Variants in PLA2G7 observed in about 807,000 individuals in gnomAD.
The protein encoded by PLA2G7 is platelet-activating factor acetylhydrolase.
Under a neutral mutation model 49.6 loss-of-function variants are expected in PLA2G7, and 63 were observed. The ratio of observed to expected loss-of-function variants is 1.27; its 90% CI spans 1.04 to 1.57. PLA2G7 has a LOEUF of 1.57. Ranked by LOEUF, PLA2G7 falls within the 40% of genes most tolerant of loss-of-function variation. The probability of loss-of-function intolerance (pLI) is 0.00; values close to 1 mark genes in which losing one functional copy is unlikely to be tolerated. For missense variants in PLA2G7, 596 were observed against 521.2 expected (o/e 1.14, Z -1.40); for synonymous variants, 193 against 169.9 (o/e 1.14, Z -1.06).
Position 46,716,368 on chromosome 6 carries a change from T to C in PLA2G7, c.376+16A>G, listed in dbSNP as rs765947390. The stretch of plus-strand genomic sequence containing the variant: ...ACATGCAAGAGCCTACAAAGAAGGA[T>C]CAACAGAAATCTTACCAAAGAGTAA... On this transcript the variant is annotated intron_variant, in intron 4 of 11. Transcript: ENST00000274793. 121 of 1,613,846 alleles carry C rather than the reference T, an allele frequency of 7.5e-5. 1 individual carries two copies. In the Admixed American group the frequency reaches 2.0e-3, roughly 26 times the overall value.
chr6:46,712,378 T>C (rs376405310), intron 5 of PLA2G7, 41 bp from the exon 6 acceptor site: 2 of 1,443,472 alleles, frequency 1.4e-6, no homozygotes, highest in African/African-American at 2.8e-5. Flanking sequence ...CTACCAGTCA[T>C]GATTACAAGG....
intron 2 of PLA2G7, among the ~76,000 whole-genome samples, chr6:46,719,393 C>G (rs1338221905): frequency 6.6e-6 from 1 of 152,216 alleles, no homozygotes; most frequent in Non-Finnish European, 1.5e-5. Context: ...CTGGCACCAG[C>G]TGGAGCTTGG....
At chr6:46,711,918 AG>A (rs1395635654) in intron 6 of PLA2G7, among the ~76,000 whole-genome samples, 1 of 152,166 alleles carries the variant, frequency 6.6e-6, no homozygotes, top group Non-Finnish European at 1.5e-5. Flanking sequence ...GCCACTTACT[AG>A]TTGTGTGACT....
rs771422384 is a variant in PLA2G7 at position 46,710,637 on chromosome 6, A to G, written c.685T>C (p.Cys229Arg). The change falls in exon 8 of 12, where the codon TGT becomes CGT. Residue 229 changes from cysteine to arginine, a missense_variant. Cys to Arg is a radical substitution (Grantham distance 180). Coordinates refer to ENST00000274793, the MANE Select transcript of PLA2G7 (RefSeq NM_005084.4). The stretch of plus-strand genomic sequence containing the variant: ...AGAATCAGACTGAGAGCTTGGGAAC[A>G]TTCTTTTGCTCTTTGCCGTACCTAA... Reference protein sequence around the residue: ...NEQVRQRAKECSQALSLILDI... With the variant: ...NEQVRQRAKERSQALSLILDI... 6.2e-7 allele frequency: 1 copy of G among 1,612,634 alleles called. No individual in the cohort carries two copies. Among genetic ancestry groups the G allele is most frequent in the Non-Finnish European group, 8.5e-7 (1 of 1,178,654 alleles).
At chr6:46,735,090 C>G (rs1407296740) in intron 1 of PLA2G7, 90 bp downstream of exon 1, 1 of 152,080 alleles carries the variant, frequency 6.6e-6, no homozygotes, top group African/African-American at 2.4e-5. Context: ...GAGCCCACCC[C>G]GGCCGGTCGC....
At chr6:46,715,084 C>T (rs925516714) in intron 4 of PLA2G7, among the ~76,000 whole-genome samples, 41 of 152,240 alleles carry the variant, frequency 2.7e-4, no homozygotes, top group African/African-American at 9.9e-4. Context: ...TTCTTACTGA[C>T]AGCTCTGGAC....
chr6:46,704,843 G>A (rs1764753344), intron 11 of PLA2G7, 147 bp from the exon 12 acceptor site: 1 of 643,776 alleles, frequency 1.6e-6, no homozygotes, highest in East Asian at 2.7e-5. Context: ...CTGCCTCATG[G>A]CTGCTTTAGC....
chr6:46,711,899 C>A (rs1404022016), intron 6 of PLA2G7, among the ~76,000 whole-genome samples: 4 of 152,130 alleles, frequency 2.6e-5, no homozygotes, highest in African/African-American at 9.7e-5. Flanking sequence ...GGAATCAAAT[C>A]CCGGCACTGC....
In PLA2G7 at chr6:46,716,516, G is replaced by C. The variant is rs143106370; in HGVS notation, c.244C>G (p.Arg82Gly). Residue 82 changes from arginine (R) to glycine (G), a missense_variant, in exon 4 of 12, where the codon CGT becomes GGT. Transcript: ENST00000274793. ...TTATCTTGGGATGGATAATATAAAC[G>C]CAAGAAGGTGCCCTGTTAAGAAAGA... ...FDHTNKGTFL[R>G]LYYPSQDNDR... 2.5e-6 allele frequency: 4 copies of C among 1,613,552 alleles called. No homozygotes were observed. The highest frequency in any genetic ancestry group is 1.7e-5 in the Admixed American group (1 of 60,008).
At chr6:46,712,419 A>C in intron 5 of PLA2G7, 82 bp from the exon 6 acceptor site, 3 of 1,003,722 alleles carry the variant, frequency 3.0e-6, no homozygotes, top group Non-Finnish European at 4.7e-6. Context: ...GGGAACATGG[A>C]GGCCATTACA....
chr6:46,716,523 G>C lies in PLA2G7; in HGVS notation c.237C>G (p.Thr79=), dbSNP rs761517434. ...DLMFDHTNKG[T]FLRLYYPSQD... is the part of the protein sequence containing the mutation. ...GGGATGGATAATATAAACGCAAGAA[G>C]GTGCCCTGTTAAGAAAGAAATTAAT... Residue 79 remains threonine, a synonymous_variant, in exon 4 of 12, where the codon ACC becomes ACG. Transcript: ENST00000274793. 1.2e-6 allele frequency: 2 copies of C among 1,613,570 alleles called. No individual in the cohort carries two copies. Among genetic ancestry groups the C allele is most frequent in the Admixed American group, 3.3e-5 (2 of 60,000 alleles).
intron 1 of PLA2G7, among the ~76,000 whole-genome samples, chr6:46,730,997 A>G (rs765505252): frequency 1.3e-5 from 2 of 152,350 alleles, no homozygotes; most frequent in South Asian, 2.1e-4. Context: ...GGGATCTGGC[A>G]AGTTAACATG....
chr6:46,731,893 C>T (rs1392628535), intron 1 of PLA2G7, among the ~76,000 whole-genome samples: 1 of 152,112 alleles, frequency 6.6e-6, no homozygotes, highest in African/African-American at 2.4e-5. Context: ...AAATAGCCTA[C>T]GCCCATCTAC....
chr6:46,717,417 T>C (rs1765246852), intron 2 of PLA2G7, among the ~76,000 whole-genome samples: 1 of 152,236 alleles, frequency 6.6e-6, no homozygotes, highest in Non-Finnish European at 1.5e-5. Context: ...AAATCTGTTT[T>C]TCCTAAACAT....
chr6:46,707,980 C>A lies in PLA2G7; in HGVS notation c.1040+11G>T, dbSNP rs1764883470. 1 of 1,519,478 alleles carries A rather than the reference C, an allele frequency of 6.6e-7. No individual in the cohort carries two copies. The allele number at this position is 1,519,478 out of a possible 1,614,324, so 94.1% of individuals were successfully genotyped here. A position where few individuals can be genotyped will look rare whatever the true frequency, so the allele number is the denominator to read the frequency against. On this transcript the variant is annotated intron_variant, in intron 10 of 11. Coordinates refer to ENST00000274793, the MANE Select transcript of PLA2G7 (RefSeq NM_005084.4). ...TTGTTTCACATAATGAAATAAGTCA[C>A]TAATACTTACCTGATTGTAATCATC...
At chr6:46,710,733 T>A in intron 7 of PLA2G7, 75 bp from the exon 8 acceptor site, 1 of 1,160,230 alleles carries the variant, frequency 8.6e-7, no homozygotes, top group Non-Finnish European at 1.3e-6. Flanking sequence ...AGGTAGAAGC[T>A]GTATTTGGGA....
At position 46,705,264 on chromosome 6, in the gene PLA2G7, C is replaced by G. The variant is rs1461102363; in HGVS notation, c.1078G>C (p.Ala360Pro). 2 of 1,612,450 alleles carry G rather than the reference C, an allele frequency of 1.2e-6. No individual in the cohort carries two copies. Among genetic ancestry groups the G allele is most frequent in the East Asian group, 2.2e-5 (1 of 44,826 alleles). ...VHQNFADFTF[A>P]TGKIIGHMLK... ...ATGTGTCCAATTATTTTGCCAGTTG[C>G]AAAAGTGAAGTCAGCAAAATTCTGG... The change falls in exon 11 of 12, where the codon GCA (alanine) becomes CCA (proline). Residue 360 changes from alanine to proline, a missense_variant. By Grantham distance (27) the Ala-to-Pro change is conservative. Coordinates refer to ENST00000274793, the MANE Select transcript of PLA2G7 (RefSeq NM_005084.4).
intron 5 of PLA2G7, among the ~76,000 whole-genome samples, chr6:46,713,899 A>T (rs1217920540): frequency 6.6e-6 from 1 of 152,176 alleles, no homozygotes; most frequent in African/African-American, 2.4e-5. Context: ...CATTCCTATG[A>T]GATACAGGAC....
intron 1 of PLA2G7, among the ~76,000 whole-genome samples, chr6:46,729,184 C>T (rs1765658070): frequency 1.3e-5 from 2 of 152,258 alleles, no homozygotes; most frequent in South Asian, 2.1e-4. Flanking sequence ...AGATGCTCTC[C>T]CGCTAAAGGA....
Sources: gnomAD v4.1 joint callset for allele counts (sites outside exome capture counted in the v4.1 genomes callset) on GRCh38, gnomAD v4.1.1 for gene constraint, MANE v1.5 for transcripts, NCBI Gene and HGNC (gene_info 2026-07-23, HGNC 2026-07-21) for gene names.